Variants in IFI16 observed in about 807,000 individuals in gnomAD.
IFI16 encodes the protein interferon gamma inducible protein 16.
In IFI16, 49 loss-of-function variants were observed where a neutral mutation model predicts 68.4. The observed-to-expected ratio is 0.72, with a 90% CI of 0.57 to 0.91. The LOEUF is 0.91. Ranked by LOEUF, IFI16 falls within the 40% of genes least tolerant of loss-of-function variation. IFI16 has a pLI of 0.00. For synonymous variants in IFI16, 307 were observed against 315.0 expected (o/e 0.97, Z 0.27); for missense variants, 878 against 942.9 (o/e 0.93, Z 0.90).
intron 7 of IFI16, among the ~76,000 whole-genome samples, chr1:159,040,647 G>A (rs929883820): frequency 6.6e-6 from 1 of 152,154 alleles, no homozygotes; most frequent in Non-Finnish European, 1.5e-5. Context: ...CATCAACAGA[G>A]TCAACATAAA....
intron 6 of IFI16, among the ~76,000 whole-genome samples, chr1:159,022,423 T>C (rs1258794473): frequency 2.0e-5 from 3 of 152,210 alleles, no homozygotes; most frequent in Non-Finnish European, 4.4e-5. Flanking sequence ...CACAAGAGTA[T>C]ACGGAACAAA....
intron 2 of IFI16, 176 bp from the exon 3 acceptor site, chr1:159,015,696 T>A (rs1652873586): frequency 1.7e-6 from 1 of 578,306 alleles, no homozygotes; most frequent in Non-Finnish European, 3.1e-6. Flanking sequence ...GTCTTGTGAC[T>A]GCTGGTCTCC....
intron 10 of IFI16, 93 bp from the exon 11 acceptor site, chr1:159,053,440 A>C (rs1377671074): frequency 2.3e-5 from 20 of 864,384 alleles, no homozygotes; most frequent in Non-Finnish European, 3.5e-5. Flanking sequence ...TACTCTATCA[A>C]AGACAAAAGT....
At chr1:159,052,883 T>C (rs1432588483) in intron 10 of IFI16, 2 of 152,292 alleles carry the variant, frequency 1.3e-5, no homozygotes, top group Non-Finnish European at 2.9e-5. Context: ...TCATACTCCA[T>C]TATACATGTC....
chr1:159,023,605 C>T (rs1001966087), intron 6 of IFI16, among the ~76,000 whole-genome samples: 12 of 152,016 alleles, frequency 7.9e-5, no homozygotes, highest in Admixed American at 7.2e-4. Flanking sequence ...TTTCCTTTGG[C>T]CTGCAGTGTC....
intron 7 of IFI16, among the ~76,000 whole-genome samples, chr1:159,045,038 A>G (rs1355806587): frequency 2.0e-5 from 3 of 152,114 alleles, no homozygotes; most frequent in Admixed American, 1.3e-4. Flanking sequence ...CCAGTTTTAC[A>G]GGACGTGAAG....
chr1:159,044,244 G>GA (rs1289404448), intron 7 of IFI16, among the ~76,000 whole-genome samples: 1 of 152,162 alleles, frequency 6.6e-6, no homozygotes, highest in Non-Finnish European at 1.5e-5. Context: ...GATAGTATTA[G>GA]AGTCAGGATT....
chr1:159,054,698 T>A (rs550547707), intron 11 of IFI16, 123 bp from the exon 12 acceptor site: 3 of 553,764 alleles, frequency 5.4e-6, no homozygotes, highest in Non-Finnish European at 1.0e-5. Context: ...GAGAAAAGAA[T>A]CATTTAGAAA....
intron 8 of IFI16, 39 bp downstream of exon 8, chr1:159,045,503 A>C (rs772282074): frequency 1.2e-6 from 2 of 1,603,708 alleles, no homozygotes; most frequent in Non-Finnish European, 8.5e-7. Context: ...CCCTCACTAC[A>C]ATGTAATGAC....
At chr1:159,037,020 T>C (rs1490938082) in intron 7 of IFI16, among the ~76,000 whole-genome samples, 2 of 152,226 alleles carry the variant, frequency 1.3e-5, no homozygotes, top group East Asian at 3.8e-4. Flanking sequence ...CTATCATGAC[T>C]GTTTGCCATC....
At chr1:159,025,151 T>C (rs1223997920) in intron 6 of IFI16, among the ~76,000 whole-genome samples, 2 of 152,242 alleles carry the variant, frequency 1.3e-5, no homozygotes, top group East Asian at 1.9e-4. Context: ...TTGCATATCC[T>C]GGGGCTTGAA....
upstream of IFI16, among the ~76,000 whole-genome samples, chr1:159,002,818 T>C (rs1652108689): frequency 6.6e-6 from 1 of 152,180 alleles, no homozygotes; most frequent in Non-Finnish European, 1.5e-5. Flanking sequence ...CATCTAAGAC[T>C]TCAGCCCTGG....
At chr1:159,047,777 A>C (rs1265325741) in intron 8 of IFI16, among the ~76,000 whole-genome samples, 1 of 149,086 alleles carries the variant, frequency 6.7e-6, no homozygotes, top group Admixed American at 6.7e-5. Context: ...TTTTTCTATA[A>C]TAGAGTTCTT....
chr1:159,041,984 C>G (rs1427223689), intron 7 of IFI16, among the ~76,000 whole-genome samples: 3 of 152,188 alleles, frequency 2.0e-5, no homozygotes, highest in Non-Finnish European at 4.4e-5. Flanking sequence ...TTAGCTCCAA[C>G]CCTTCTAAAT....
intron 9 of IFI16, among the ~76,000 whole-genome samples, chr1:159,050,078 C>T (rs1243327559): frequency 6.6e-6 from 1 of 152,160 alleles, no homozygotes; most frequent in Non-Finnish European, 1.5e-5. Context: ...TGATTTTATA[C>T]CTTTCAGTAT....
chr1:159,050,478 G>A (rs2101928025), intron 9 of IFI16, among the ~76,000 whole-genome samples: 1 of 152,232 alleles, frequency 6.6e-6, no homozygotes, highest in Middle Eastern at 3.4e-3. Context: ...GTTTCCTAAT[G>A]TTATGGAAAA....
At chr1:159,021,815 C>T (rs1002840759) in intron 6 of IFI16, among the ~76,000 whole-genome samples, 3 of 151,982 alleles carry the variant, frequency 2.0e-5, no homozygotes, top group Admixed American at 1.3e-4. Flanking sequence ...AATGTGGCAT[C>T]ATTTTGTGGT....
At chr1:159,012,632 C>T (rs1226230354) in intron 1 of IFI16, among the ~76,000 whole-genome samples, 1 of 152,202 alleles carries the variant, frequency 6.6e-6, no homozygotes, top group African/African-American at 2.4e-5. Context: ...AGCATATTTG[C>T]TTCTACAGAA....
upstream of IFI16, among the ~76,000 whole-genome samples, chr1:159,007,857 C>T (rs1024665841): frequency 2.6e-5 from 4 of 152,160 alleles, no homozygotes; most frequent in African/African-American, 9.7e-5. Context: ...AGATAGTAGT[C>T]TTCTCTAAAA....
Sources: allele counts gnomAD v4.1 joint callset (sites outside exome capture counted in the v4.1 genomes callset), GRCh38; gene constraint gnomAD v4.1.1; transcripts MANE v1.5; gene names NCBI Gene and HGNC (gene_info 2026-07-23, HGNC 2026-07-21).